The following ZFAND2A variants were observed in gnomAD, a reference collection of about 807,000 sequenced individuals.
The protein encoded by ZFAND2A is zinc finger AN1-type containing 2A.
A neutral mutation model predicts 11.6 loss-of-function variants in ZFAND2A; 20 were observed. The ratio of observed to expected loss-of-function variants is 1.72; its 90% CI spans 1.21 to 2.50. The LOEUF (loss-of-function observed/expected upper bound fraction) is 2.50, where lower values mean the gene tolerates loss of function less well. ZFAND2A is among the 30% of genes most tolerant of loss of function. The pLI is 0.00. For missense variants in ZFAND2A, 234 were observed against 182.9 expected (o/e 1.28, Z -1.61); for synonymous variants, 93 against 60.6 (o/e 1.54, Z -2.48).
In ZFAND2A at chr7:1,153,101, G is replaced by A. The variant is rs1216099384; in HGVS notation, c.406C>T (p.His136Tyr). Residue 136 changes from histidine to tyrosine, a missense_variant, in exon 5 of 5, where the codon CAC becomes TAC. Physicochemically the swap from His to Tyr is moderately conservative, Grantham distance 83. Coordinates refer to ENST00000316495, the MANE Select transcript of ZFAND2A (RefSeq NM_182491.4). ...GCTTTGATGGTGGGGCGACTCCCGT[G>A]TCTGCAGCTGTGGTCCAAAGGGTGT... The part of the protein sequence containing the change: ...HRHPLDHSCR[H>Y]GSRPTIKAG 6 of 1,614,100 alleles carry A rather than the reference G, an allele frequency of 3.7e-6. No individual in the cohort carries two copies. In the South Asian group the frequency reaches 6.6e-5, roughly 18 times the overall value.
downstream of ZFAND2A, chr7:1,152,247 G>T (rs758670074): frequency 3.9e-5 from 62 of 1,570,902 alleles, no homozygotes; most frequent in Non-Finnish European, 6.9e-6. Flanking sequence ...CACATGAGCC[G>T]GGTGAACCAG....
chr7:1,155,729 A>G (rs891386475), intron 3 of ZFAND2A, 145 bp from the exon 4 acceptor site: 2 of 1,020,358 alleles, frequency 2.0e-6, no homozygotes, highest in African/African-American at 3.3e-5. Flanking sequence ...ACAAAGCATC[A>G]CTGGGTCATG....
chr7:1,154,155 A>C (rs1383955524), intron 4 of ZFAND2A, among the ~76,000 whole-genome samples: 1 of 150,444 alleles, frequency 6.6e-6, no homozygotes, highest in African/African-American at 2.5e-5. Flanking sequence ...TCAAGGGAAT[A>C]TCTATCATGT....
intron 3 of ZFAND2A, 47 bp from the exon 4 acceptor site, chr7:1,155,631 A>T: frequency 6.3e-7 from 1 of 1,598,176 alleles, no homozygotes. Flanking sequence ...ATGCAACTTA[A>T]ACTCACAGAA....
chr7:1,149,739 C>T (rs373804899), downstream of ZFAND2A, among the ~76,000 whole-genome samples: 1 of 152,198 alleles, frequency 6.6e-6, no homozygotes, highest in African/African-American at 2.4e-5. Flanking sequence ...TAGGCCACTG[C>T]GGCACGGCGC....
At chr7:1,158,736 G>C (rs1793594518) in intron 1 of ZFAND2A, among the ~76,000 whole-genome samples, 1 of 152,152 alleles carries the variant, frequency 6.6e-6, no homozygotes, top group African/African-American at 2.4e-5. Context: ...CTTATTCCTC[G>C]ATGACATCAA....
At chr7:1,158,852 G>C (rs541056499) in intron 1 of ZFAND2A, among the ~76,000 whole-genome samples, 3 of 152,100 alleles carry the variant, frequency 2.0e-5, no homozygotes, top group Non-Finnish European at 4.4e-5. Flanking sequence ...GGCTCACGAG[G>C]TCCCCTCCAT....
chr7:1,154,226 T>C (rs1563160047), intron 4 of ZFAND2A, among the ~76,000 whole-genome samples: 2 of 144,174 alleles, frequency 1.4e-5, no homozygotes, highest in East Asian at 4.2e-4. Context: ...TAGGCAGCGA[T>C]ATAAAGTCCT....
rs1413517413 is a variant in ZFAND2A at position 1,157,719 on chromosome 7, T to C, written c.87A>G (p.Lys29=). Residue 29 remains lysine, a synonymous_variant, in exon 3 of 5, where the codon AAA becomes AAG. Coordinates refer to ENST00000316495, the MANE Select transcript of ZFAND2A (RefSeq NM_182491.4). Reference sequence around the variant, plus strand: ...GAAAATGATCTTTACAGAAATCTTGTTTACATGCATCACATTTTACTGGAA... The same window carrying C: ...GAAAATGATCTTTACAGAAATCTTGCTTACATGCATCACATTTTACTGGAA... The part of the protein sequence containing the change: ...DFLPVKCDAC[K]QDFCKDHFPY... 2 of 1,560,818 alleles carry C rather than the reference T, an allele frequency of 1.3e-6. No homozygotes were observed. The highest frequency in any genetic ancestry group is 2.8e-5 in the African/African-American group (2 of 72,126).
downstream of ZFAND2A, among the ~76,000 whole-genome samples, chr7:1,151,536 C>T (rs915875485): frequency 1.3e-5 from 2 of 152,024 alleles, no homozygotes; most frequent in East Asian, 1.9e-4. Context: ...CCACTACGCC[C>T]GGCCTAGTTT....
downstream of ZFAND2A, among the ~76,000 whole-genome samples, chr7:1,150,902 T>TTTTTTTTTTTTTTTTTC (rs1457637386): frequency 7.0e-6 from 1 of 142,142 alleles, no homozygotes; most frequent in African/African-American, 2.6e-5. Flanking sequence ...TTTTTTTTTT[T>TTTTTTTTTTTTTTTTTC]TTTGAGATTC....
chr7:1,156,953 T>C (rs1236191740), intron 3 of ZFAND2A: 1 of 152,122 alleles, frequency 6.6e-6, no homozygotes. Context: ...GGCCTAAAAA[T>C]GGCTGGAGGG....
intron 4 of ZFAND2A, among the ~76,000 whole-genome samples, chr7:1,154,417 G>A (rs1385930856): frequency 6.6e-6 from 1 of 152,198 alleles, no homozygotes; most frequent in African/African-American, 2.4e-5. Context: ...GGAGCACAGC[G>A]GGCCAGGAGC....
chr7:1,149,281 A>C (rs1793355203), downstream of ZFAND2A, among the ~76,000 whole-genome samples: 1 of 152,156 alleles, frequency 6.6e-6, no homozygotes, highest in South Asian at 2.1e-4. Flanking sequence ...ACCACACCGA[A>C]CACTGTGCTG....
At chr7:1,152,833 CG>C (rs959774347), downstream of ZFAND2A, 3 of 665,700 alleles carry the variant, frequency 4.5e-6, no homozygotes, top group Non-Finnish European at 8.0e-6. Flanking sequence ...GTGAAAGAAC[CG>C]ATTTCTATGG....
chr7:1,152,232 G>A (rs1254850764), downstream of ZFAND2A: 1 of 1,558,244 alleles, frequency 6.4e-7, no homozygotes, highest in East Asian at 2.4e-5. Flanking sequence ...AGACGAAATT[G>A]CGTTCACATG....
intron 2 of ZFAND2A, 105 bp from the exon 3 acceptor site, chr7:1,157,855 T>C (rs1230683773): frequency 2.2e-5 from 16 of 722,382 alleles, no homozygotes; most frequent in Non-Finnish European, 3.6e-5. Flanking sequence ...GCCTATGAGA[T>C]GGACAGGTCC....
intron 4 of ZFAND2A, among the ~76,000 whole-genome samples, chr7:1,153,947 A>C (rs1320552138): frequency 6.8e-6 from 1 of 146,570 alleles, no homozygotes; most frequent in Admixed American, 6.8e-5. Context: ...TCCCTTTAAA[A>C]AGAAAGAAAA....
chr7:1,153,186 C>T lies in ZFAND2A; in HGVS notation c.321G>A (p.Lys107=), dbSNP rs1417615762. The T allele has an allele frequency of 1.9e-6, 3 of 1,614,012 alleles. No individual in the cohort carries two copies. The highest frequency in any genetic ancestry group is 2.5e-6 in the Non-Finnish European group (3 of 1,179,964). The change falls in exon 5 of 5, where the codon AAG becomes AAA. Residue 107 remains lysine, a synonymous_variant. Transcript: ENST00000316495. ...TYRCSKEGCK[K]KEMLQMVCAQ... ...CACATACCATCTGCAGCATCTCTTT[C>T]TTCTTGCAGCCCTCTTTTGAGCAAC...
Sources: gnomAD v4.1 joint callset for allele counts (sites outside exome capture counted in the v4.1 genomes callset) on GRCh38, gnomAD v4.1.1 for gene constraint, MANE v1.5 for transcripts, NCBI Gene and HGNC (gene_info 2026-07-23, HGNC 2026-07-21) for gene names.